Variants in SYN3 observed in about 807,000 individuals in gnomAD.
SYN3 encodes synapsin-3.
Under a neutral mutation model 65.8 loss-of-function variants are expected in SYN3, and 35 were observed. The ratio of observed to expected loss-of-function variants is 0.53; its 90% CI spans 0.41 to 0.70. The LOEUF is 0.70. Among genes scored for constraint, SYN3 ranks in the 30% least tolerant of loss-of-function variants. SYN3 has a pLI of 0.00. For synonymous variants in SYN3, 270 were observed against 292.9 expected (o/e 0.92, Z 0.80); for missense variants, 680 against 749.0 (o/e 0.91, Z 1.08).
In SYN3 at chr22:32,643,576, C is replaced by T. The variant is rs573836743; in HGVS notation, c.712-46840G>A. ...GGGGGGCGGGGGGGGCAGAACAGACCCATAAAGGAAAAGATAAATGAAGAA... is the reference window on the plus strand; with the variant it reads ...GGGGGGCGGGGGGGGCAGAACAGACTCATAAAGGAAAAGATAAATGAAGAA... On this transcript the variant is annotated intron_variant, in intron 6 of 13. Transcript: ENST00000358763. Among the ~76,000 whole-genome samples, 16 of 141,882 alleles carry T rather than the reference C, an allele frequency of 1.1e-4. No homozygotes were observed. In the South Asian group the frequency reaches 3.4e-3, roughly 30 times the overall value. The allele number at this position is 141,882 out of a possible 152,430, so 93.1% of individuals were successfully genotyped here. A position where few individuals can be genotyped will look rare whatever the true frequency, so the allele number is the denominator to read the frequency against.
intron 1 of SYN3, among the ~76,000 whole-genome samples, chr22:33,027,632 AC>A (rs2145882032): frequency 1.0e-5 from 1 of 96,784 alleles, no homozygotes; most frequent in African/African-American, 4.3e-5. Context: ...AGACAGACAG[AC>A]AGACAGAGAG....
At chr22:32,792,526 C>T (rs143975209) in intron 6 of SYN3, among the ~76,000 whole-genome samples, 350 of 152,222 alleles carry the variant, frequency 2.3e-3, no homozygotes, top group African/African-American at 7.6e-3. Flanking sequence ...ATGAGTATGC[C>T]ACCAGCTTGC....
intron 6 of SYN3, among the ~76,000 whole-genome samples, chr22:32,645,544 T>C (rs779627972): frequency 1.3e-5 from 2 of 152,194 alleles, no homozygotes; most frequent in African/African-American, 2.4e-5. Context: ...CTACAAGTAA[T>C]ACGTGCTTTC....
intron 7 of SYN3, among the ~76,000 whole-genome samples, chr22:32,596,382 CA>C (rs2059200095): frequency 6.6e-6 from 1 of 152,136 alleles, no homozygotes; most frequent in Non-Finnish European, 1.5e-5. Flanking sequence ...TAATTACGCT[CA>C]ATAAAATGCT....
intron 10 of SYN3, among the ~76,000 whole-genome samples, chr22:32,533,562 A>T (rs58897867): frequency 0.012 from 1,868 of 152,204 alleles, 49 homozygotes; most frequent in African/African-American, 0.043. Context: ...GATGTTGTTC[A>T]ACCTCGGGCC....
At position 32,837,154 on chromosome 22, in the gene SYN3, C is replaced by T. The variant is rs955911469; in HGVS notation, c.711+27761G>A. Among the ~76,000 whole-genome samples the T allele has an allele frequency of 8.5e-5, 13 of 152,298 alleles. No individual in the cohort carries two copies. The highest frequency in any genetic ancestry group is 1.9e-4 in the East Asian group (1 of 5,178). On this transcript the variant is annotated intron_variant, in intron 6 of 13. Coordinates refer to ENST00000358763, the MANE Select transcript of SYN3 (RefSeq NM_003490.4). This position sits in a 1 kb window ranked among gnomAD's most constrained non-coding sequence, Gnocchi z 4.1. ...AGCTGTTTGGGCTTCAAAAATGCCCCGACCTGAAAGCTGGAAGTTCTGAGA... is the reference window on the plus strand; with the variant it reads ...AGCTGTTTGGGCTTCAAAAATGCCCTGACCTGAAAGCTGGAAGTTCTGAGA...
intron 6 of SYN3, chr22:32,635,046 C>T (rs997147413): frequency 6.6e-6 from 1 of 152,034 alleles, no homozygotes; most frequent in Non-Finnish European, 1.5e-5. Flanking sequence ...GATTAGACAC[C>T]CCGGTCTACT....
rs1238150196 is a variant in SYN3, at chr22:32,603,426, A to G, written c.712-6690T>C. Among the ~76,000 whole-genome samples the G allele has an allele frequency of 4.0e-5, 6 of 149,920 alleles. No homozygotes were observed. The East Asian group carries it at 1.2e-3, about 30-fold the overall frequency. The stretch of plus-strand genomic sequence containing the variant: ...TCCCAGCTACTAGGGAGGCTGAGGC[A>G]GGGGAATGGCGTCAATCCAGGAGGT... On this transcript the variant is annotated intron_variant, in intron 6 of 13. Transcript: ENST00000358763.
At chr22:32,879,982 T>C (rs139177144) in intron 4 of SYN3, among the ~76,000 whole-genome samples, 16 of 152,312 alleles carry the variant, frequency 1.1e-4, no homozygotes, top group African/African-American at 3.4e-4. Context: ...AGGTTCCCGA[T>C]TGGTCAAAGG....
chr22:32,665,336 C>G (rs2060275814), intron 6 of SYN3, among the ~76,000 whole-genome samples: 1 of 107,510 alleles, frequency 9.3e-6, no homozygotes, highest in Non-Finnish European at 1.8e-5. Context: ...ATCCTCATAG[C>G]CTAGCTCCTA....
At chr22:32,630,292 A>G (rs2059730218) in intron 6 of SYN3, among the ~76,000 whole-genome samples, 1 of 151,928 alleles carries the variant, frequency 6.6e-6, no homozygotes, top group African/African-American at 2.4e-5. Flanking sequence ...GTATGTATGT[A>G]TTTTTAGAGA....
chr22:32,686,157 T>C (rs1222257209), intron 6 of SYN3, among the ~76,000 whole-genome samples: 2 of 152,204 alleles, frequency 1.3e-5, no homozygotes, highest in Non-Finnish European at 2.9e-5. Flanking sequence ...CGAATATGGG[T>C]TGGATAAGCT....
intron 2 of SYN3, among the ~76,000 whole-genome samples, chr22:32,983,361 A>G (rs2052426444): frequency 1.3e-5 from 2 of 152,092 alleles, no homozygotes; most frequent in Non-Finnish European, 1.5e-5. Context: ...GATGGATGTC[A>G]TCACCCATTA....
At chr22:32,965,730 C>G (rs766258055) in intron 3 of SYN3, among the ~76,000 whole-genome samples, 8 of 152,110 alleles carry the variant, frequency 5.3e-5, no homozygotes, top group Non-Finnish European at 1.2e-4. Context: ...GAGTCTCGCT[C>G]TTTCGCCCAG....
At chr22:32,866,464 G>A (rs1042940114) in intron 5 of SYN3, among the ~76,000 whole-genome samples, 6 of 152,182 alleles carry the variant, frequency 3.9e-5, no homozygotes, top group African/African-American at 9.7e-5. Flanking sequence ...GATTCCGCAG[G>A]TAAGCACATG....
In SYN3 at chr22:32,590,152, G is replaced by A. The variant is rs5754161; in HGVS notation, c.774+6522C>T. Among the ~76,000 whole-genome samples, 1,381 of 152,126 alleles carry A rather than the reference G, an allele frequency of 9.1e-3. 29 individuals are homozygous for A. Among genetic ancestry groups the A allele is most frequent in the Admixed American group, 0.048 (727 of 15,280 alleles). The stretch of plus-strand genomic sequence containing the variant: ...CCTCATCTCCATGACTATCCCTTCC[G>A]TCCTCTCCGAAGATAACTTCTATTC... On this transcript the variant is annotated intron_variant, in intron 7 of 13. Coordinates refer to ENST00000358763, the MANE Select transcript of SYN3 (RefSeq NM_003490.4).
intron 4 of SYN3, among the ~76,000 whole-genome samples, chr22:32,873,963 C>T (rs2048918419): frequency 6.7e-6 from 1 of 148,862 alleles, no homozygotes; most frequent in Admixed American, 6.7e-5. Context: ...CCCATCTCTA[C>T]AAAAAATACA....
chr22:32,538,082 C>T lies in SYN3; in HGVS notation c.946G>A (p.Ala316Thr). 2 of 1,614,196 alleles carry T rather than the reference C, an allele frequency of 1.2e-6. No individual in the cohort carries two copies. Among genetic ancestry groups the T allele is most frequent in the Non-Finnish European group, 1.7e-6 (2 of 1,180,016 alleles). ...TCCAGCATGGCAGAGCCTGTGTTGG[C>T]CTTCCAGTTCCCAGAGATGGAGGTT... ...MRTSISGNWK[A>T]NTGSAMLEQV... Residue 316 changes from alanine to threonine, a missense_variant, in exon 9 of 14, where the codon GCC (alanine) becomes ACC (threonine). Physicochemically the swap from Ala to Thr is moderately conservative, Grantham distance 58. Coordinates refer to ENST00000358763, the MANE Select transcript of SYN3 (RefSeq NM_003490.4).
At chr22:32,962,891 C>CTA (rs373752803) in intron 3 of SYN3, among the ~76,000 whole-genome samples, 6 of 150,588 alleles carry the variant, frequency 4.0e-5, no homozygotes, top group Non-Finnish European at 8.8e-5. Flanking sequence ...CTATCTCTCT[C>CTA]TATATATATA....
Sources: gnomAD v4.1 joint callset for allele counts (sites outside exome capture counted in the v4.1 genomes callset) on GRCh38, gnomAD v4.1.1 for gene constraint, Gnocchi (gnomAD v3.1) non-coding constraint, MANE v1.5 for transcripts, NCBI Gene and HGNC (gene_info 2026-07-23, HGNC 2026-07-21) for gene names.